Variants in BNC2 observed in about 807,000 individuals in gnomAD.
BNC2 encodes basonuclin zinc finger protein 2.
A neutral mutation model predicts 76.3 loss-of-function variants in BNC2; 20 were observed. That is an observed-to-expected ratio of 0.26 (90% CI 0.18 to 0.38). The LOEUF (loss-of-function observed/expected upper bound fraction) is 0.38, where lower values mean the gene tolerates loss of function less well. Ranked by LOEUF, BNC2 falls within the 10% of genes least tolerant of loss-of-function variation. The pLI, the probability that BNC2 is intolerant of heterozygous loss-of-function variation, is 1.00. For synonymous variants in BNC2, 582 were observed against 514.8 expected (o/e 1.13, Z -1.77); for missense variants, 1,382 against 1,399.8 (o/e 0.99, Z 0.20).
intron 6 of BNC2, among the ~76,000 whole-genome samples, chr9:16,426,204 C>A (rs1820801375): frequency 6.6e-6 from 1 of 152,176 alleles, no homozygotes; most frequent in Non-Finnish European, 1.5e-5. Context: ...TTACACTGGA[C>A]AAATTAACCC....
Position 16,743,683 on chromosome 9 carries a change from G to C in BNC2, c.4-5198C>G, listed in dbSNP as rs78121827. Among the ~76,000 whole-genome samples, 483 of 152,302 alleles carry C rather than the reference G, an allele frequency of 3.2e-3. 2 individuals carry two copies. Among genetic ancestry groups the C allele is most frequent in the African/African-American group, 0.011 (467 of 41,580 alleles). On this transcript the variant is annotated intron_variant, in intron 1 of 6. Coordinates refer to ENST00000380672, the MANE Select transcript of BNC2 (RefSeq NM_017637.6). ...ACACTGGTTTTCTTCAGGAGCCAGAGGCTGAGATACAGTTCTGAAAATGAA... is the reference window on the plus strand; with the variant it reads ...ACACTGGTTTTCTTCAGGAGCCAGACGCTGAGATACAGTTCTGAAAATGAA...
At chr9:16,616,124 C>A (rs938326080) in intron 3 of BNC2, among the ~76,000 whole-genome samples, 1 of 152,186 alleles carries the variant, frequency 6.6e-6, no homozygotes, top group African/African-American at 2.4e-5. Context: ...TGGTAGCTCA[C>A]ACCTATAATC....
intron 3 of BNC2, among the ~76,000 whole-genome samples, chr9:16,695,877 A>G (rs1291227183): frequency 2.0e-5 from 3 of 146,676 alleles, no homozygotes; most frequent in Non-Finnish European, 4.6e-5. Flanking sequence ...AAATAGGTTC[A>G]CTGGTCTCCT....
intron 5 of BNC2, among the ~76,000 whole-genome samples, chr9:16,497,869 G>A (rs748906934): frequency 6.6e-6 from 1 of 151,820 alleles, no homozygotes; most frequent in Non-Finnish European, 1.5e-5. Context: ...GAAATTCTCT[G>A]TTTTCCAAGA....
chr9:16,515,816 A>T (rs1357228792), intron 5 of BNC2, among the ~76,000 whole-genome samples: 1 of 150,100 alleles, frequency 6.7e-6, no homozygotes, highest in Non-Finnish European at 1.5e-5. Flanking sequence ...GCTAAAAAAA[A>T]GATATATATA....
At chr9:16,525,789 AAC>A (rs1205355863) in intron 5 of BNC2, among the ~76,000 whole-genome samples, 1 of 152,218 alleles carries the variant, frequency 6.6e-6, no homozygotes, top group African/African-American at 2.4e-5. Flanking sequence ...ATTTTTATCA[AAC>A]ACACAGAAAG....
At chr9:16,570,119 A>G (rs1404808018) in intron 4 of BNC2, among the ~76,000 whole-genome samples, 2 of 152,202 alleles carry the variant, frequency 1.3e-5, no homozygotes, top group Non-Finnish European at 2.9e-5. Flanking sequence ...AGGAACATAT[A>G]TCTATATAAG....
At chr9:16,624,570 A>G (rs1820942527) in intron 3 of BNC2, among the ~76,000 whole-genome samples, 1 of 152,180 alleles carries the variant, frequency 6.6e-6, no homozygotes, top group South Asian at 2.1e-4. Context: ...CCTACCATGC[A>G]TGGCAAGTGT....
chr9:16,775,567 G>C (rs1825942987), intron 1 of BNC2: 1 of 158,938 alleles, frequency 6.3e-6, no homozygotes, highest in Admixed American at 6.3e-5. Context: ...CTTCTGAGCA[G>C]AGGACTTAAT....
intron 1 of BNC2, among the ~76,000 whole-genome samples, chr9:16,782,148 G>C (rs918537751): frequency 1.4e-4 from 21 of 152,048 alleles, no homozygotes; most frequent in Non-Finnish European, 2.8e-4. Flanking sequence ...ATCTGGACGT[G>C]GTGGCGTGCA....
intron 1 of BNC2, among the ~76,000 whole-genome samples, chr9:16,765,942 A>T (rs10962575): frequency 0.23 from 35,473 of 151,802 alleles, 5,471 homozygotes; most frequent in Middle Eastern, 0.39. Context: ...GCTCGCCACC[A>T]CGCCTGGCTA....
intron 3 of BNC2, among the ~76,000 whole-genome samples, chr9:16,631,909 A>C (rs1587255417): frequency 2.0e-5 from 3 of 152,338 alleles, no homozygotes; most frequent in East Asian, 3.9e-4. Flanking sequence ...GATAAGGACT[A>C]GGGAGAACAA....
chr9:16,501,922 C>G (rs1177662355), intron 5 of BNC2, among the ~76,000 whole-genome samples: 1 of 152,150 alleles, frequency 6.6e-6, no homozygotes. Flanking sequence ...AGTGACTAAG[C>G]CTGGGGAATA....
At chr9:16,780,311 C>T (rs1256753013) in intron 1 of BNC2, among the ~76,000 whole-genome samples, 3 of 150,774 alleles carry the variant, frequency 2.0e-5, no homozygotes, top group East Asian at 3.9e-4. Flanking sequence ...CGGTGGCTCA[C>T]GCCTGTAATC....
At chr9:16,865,025 G>A (rs1352090163) in intron 1 of BNC2, among the ~76,000 whole-genome samples, 2 of 94,508 alleles carry the variant, frequency 2.1e-5, no homozygotes, top group African/African-American at 3.6e-5. Flanking sequence ...TACACGTCTG[G>A]CTTTGGACTG....
At chr9:16,870,106 A>C (rs10121817) in intron 1 of BNC2, among the ~76,000 whole-genome samples, 1 of 151,996 alleles carries the variant, frequency 6.6e-6, no homozygotes, top group Admixed American at 6.5e-5. Context: ...ATGTGAAGAC[A>C]AGGGGAGAGG....
intron 3 of BNC2, among the ~76,000 whole-genome samples, chr9:16,627,728 G>A (rs958597506): frequency 3.9e-5 from 6 of 152,128 alleles, no homozygotes; most frequent in Non-Finnish European, 2.9e-5. Flanking sequence ...TTTATCAGTA[G>A]CAAGAGTTCA....
At chr9:16,481,833 A>G (rs1235321260) in intron 5 of BNC2, among the ~76,000 whole-genome samples, 3 of 152,208 alleles carry the variant, frequency 2.0e-5, no homozygotes, top group African/African-American at 2.4e-5. Context: ...ACAAACACAT[A>G]CAGTCCAATA....
rs575168522 is a variant in BNC2, at chr9:16,804,938, T to C, written c.3+65708A>G. On this transcript the variant is annotated intron_variant, in intron 1 of 6. Coordinates refer to ENST00000380672, the MANE Select transcript of BNC2 (RefSeq NM_017637.6). ...TTAGCCGGGTGTGGTGGCATGCGCC[T>C]GTAGTCCCAGCTACTCGGGAGGCTG... is the stretch of plus-strand genomic sequence containing the variant. Among the ~76,000 whole-genome samples, 3 of 152,222 alleles carry C rather than the reference T, an allele frequency of 2.0e-5. No individual in the cohort carries two copies. In the South Asian group the frequency reaches 6.2e-4, roughly 32 times the overall value.
Sources: gnomAD v4.1 joint callset for allele counts (sites outside exome capture counted in the v4.1 genomes callset) on GRCh38, gnomAD v4.1.1 for gene constraint, MANE v1.5 for transcripts, NCBI Gene and HGNC (gene_info 2026-07-23, HGNC 2026-07-21) for gene names.